The following SRD5A2 variants were observed in gnomAD, a reference collection of about 807,000 sequenced individuals.
SRD5A2 encodes the protein 3-oxo-5-alpha-steroid 4-dehydrogenase 2.
In SRD5A2, 30 loss-of-function variants were observed where a neutral mutation model predicts 27.4. That is an observed-to-expected ratio of 1.10 (90% CI 0.82 to 1.49). The LOEUF is 1.49. SRD5A2 is among the 40% of genes most tolerant of loss of function. SRD5A2 has a pLI of 0.00. For missense variants in SRD5A2, 348 were observed against 323.4 expected (o/e 1.08, Z -0.58); for synonymous variants, 141 against 133.6 (o/e 1.06, Z -0.38).
At chr2:31,611,394 GA>G in the SRD5A2 span, among the ~76,000 whole-genome samples, 2 of 152,136 alleles carry the variant, frequency 1.3e-5, no homozygotes, top group African/African-American at 2.4e-5. Context: ...ACACCATTAA[GA>G]AACTGAATTG....
At chr2:31,545,541 A>G in intron 1 of SRD5A2, among the ~76,000 whole-genome samples, 1 of 152,178 alleles carries the variant, frequency 6.6e-6, no homozygotes. Flanking sequence ...TGATAAAAGC[A>G]CCAACCAAAC....
At chr2:31,532,256 A>G (rs1665923488) in intron 2 of SRD5A2, among the ~76,000 whole-genome samples, 1 of 152,060 alleles carries the variant, frequency 6.6e-6, no homozygotes, top group African/African-American at 2.4e-5. Flanking sequence ...TCACTATTAT[A>G]TGGTTTTCTG....
At chr2:31,603,292 T>C in the SRD5A2 span, among the ~76,000 whole-genome samples, 1 of 151,788 alleles carries the variant, frequency 6.6e-6, no homozygotes, top group Admixed American at 6.6e-5. Flanking sequence ...AACATACATG[T>C]GGAAAAAAAA....
chr2:31,640,373 G>A, the SRD5A2 span, among the ~76,000 whole-genome samples: 1 of 152,050 alleles, frequency 6.6e-6, no homozygotes. Flanking sequence ...CTTTTGGGGA[G>A]TTTGTGGTTC....
chr2:31,658,594 C>G, the SRD5A2 span, among the ~76,000 whole-genome samples: 4 of 151,830 alleles, frequency 2.6e-5, no homozygotes, highest in Non-Finnish European at 5.9e-5. Context: ...ACAAACATCT[C>G]TATGCACACA....
chr2:31,646,206 G>A, the SRD5A2 span, among the ~76,000 whole-genome samples: 1 of 152,070 alleles, frequency 6.6e-6, no homozygotes, highest in African/African-American at 2.4e-5. Context: ...TAGAAGTCAG[G>A]TGCCTTCTTG....
chr2:31,596,929 C>A, the SRD5A2 span, among the ~76,000 whole-genome samples: 1 of 152,040 alleles, frequency 6.6e-6, no homozygotes, highest in Non-Finnish European at 1.5e-5. Flanking sequence ...CAAAAGCAAT[C>A]TACAAATTCA....
chr2:31,581,318 A>T (rs28382995), upstream of SRD5A2, among the ~76,000 whole-genome samples: 14 of 152,216 alleles, frequency 9.2e-5, no homozygotes, highest in East Asian at 2.7e-3. Context: ...GTCGGTCACC[A>T]CGCAGTCCCA....
At chr2:31,557,234 C>A (rs1272954439) in intron 1 of SRD5A2, among the ~76,000 whole-genome samples, 1 of 152,206 alleles carries the variant, frequency 6.6e-6, no homozygotes, top group Non-Finnish European at 1.5e-5. Flanking sequence ...ACCCTGAAGA[C>A]AAATTAATCA....
intron 1 of SRD5A2, among the ~76,000 whole-genome samples, chr2:31,579,553 T>A (rs1266759125): frequency 6.6e-6 from 1 of 152,224 alleles, no homozygotes. Context: ...GTCTTAAACC[T>A]CAGAGATTCA....
chr2:31,546,069 A>G (rs1234794945), intron 1 of SRD5A2, among the ~76,000 whole-genome samples: 1 of 152,320 alleles, frequency 6.6e-6, no homozygotes, highest in Middle Eastern at 3.4e-3. Context: ...AGAATATAAA[A>G]ATGGAAAACA....
upstream of SRD5A2, chr2:31,581,023 A>C: frequency 3.7e-6 from 4 of 1,091,500 alleles, no homozygotes; most frequent in South Asian, 6.7e-5. Context: ...CCGCCCCTCC[A>C]TCCTGCCTCC....
rs1005066799 is a variant in SRD5A2 at position 31,571,496 on chromosome 2, C to G, written c.281+9124G>C. The stretch of plus-strand genomic sequence containing the variant: ...ATGACAAAGACACCAAAAGCAATTG[C>G]AACGTAACCAAAAATTGACAAATAG... On this transcript the variant is annotated intron_variant, in intron 1 of 4. Transcript: ENST00000622030. Among the ~76,000 whole-genome samples the G allele has an allele frequency of 9.2e-5, 14 of 152,094 alleles. No homozygotes were observed. In the East Asian group the frequency reaches 2.7e-3, roughly 29 times the overall value.
At chr2:31,661,032 T>C in the SRD5A2 span, among the ~76,000 whole-genome samples, 637 of 152,250 alleles carry the variant, frequency 4.2e-3, 9 homozygotes, top group African/African-American at 0.014. Flanking sequence ...AGTCAGATTT[T>C]AGTCTAGCCA....
chr2:31,533,909 C>G lies in SRD5A2; in HGVS notation c.282-143G>C, dbSNP rs1467503178. The G allele has an allele frequency of 4.5e-6, 4 of 889,972 alleles. No homozygotes were observed. In the African/African-American group the frequency reaches 6.7e-5, roughly 15 times the overall value. The allele number at this position is 889,972 out of a possible 1,614,324, so 55.1% of individuals were successfully genotyped here. ...CTTAACCCAATACAAATTATCTTCT[C>G]CAGGAGGATGTATATCACAGGCCAA... On this transcript the variant is annotated intron_variant, in intron 1 of 4. Coordinates refer to ENST00000622030, the MANE Select transcript of SRD5A2 (RefSeq NM_000348.4).
chr2:31,643,090 C>G, the SRD5A2 span, among the ~76,000 whole-genome samples: 1 of 152,064 alleles, frequency 6.6e-6, no homozygotes, highest in Non-Finnish European at 1.5e-5. Flanking sequence ...TATCTTGATA[C>G]AGGTTTGAGT....
rs545556311 is a variant in SRD5A2, at chr2:31,524,518, C to G, written c.*1678G>C. The G allele has an allele frequency of 4.3e-5, 10 of 230,374 alleles. No homozygotes were observed. The South Asian group carries it at 1.8e-3, about 42-fold the overall frequency. The allele number at this position is 230,374 out of a possible 1,614,324, so 14.3% of individuals were successfully genotyped here. ...GGGACAGGCGGGACAGGGAAGCACACCCCAATACCTTGTGAAAATCTCCAG... is the reference window on the plus strand; with the variant it reads ...GGGACAGGCGGGACAGGGAAGCACAGCCCAATACCTTGTGAAAATCTCCAG... On this transcript the variant is annotated 3_prime_UTR_variant, in exon 5 of 5. Transcript: ENST00000622030.
chr2:31,597,764 T>C, the SRD5A2 span, among the ~76,000 whole-genome samples: 1 of 152,052 alleles, frequency 6.6e-6, no homozygotes, highest in East Asian at 1.9e-4. Flanking sequence ...ACCACCTTAC[T>C]CCAGCAAGAT....
At chr2:31,605,530 T>C in the SRD5A2 span, among the ~76,000 whole-genome samples, 7 of 150,408 alleles carry the variant, frequency 4.7e-5, no homozygotes, top group Admixed American at 4.0e-4. Context: ...AATGGCAAAC[T>C]GGCCTATAAA....
Sources: allele counts gnomAD v4.1 joint callset (sites outside exome capture counted in the v4.1 genomes callset), GRCh38; gene constraint gnomAD v4.1.1; transcripts MANE v1.5; gene names NCBI Gene and HGNC (gene_info 2026-07-23, HGNC 2026-07-21).